Variants in AMMECR1 observed in about 807,000 individuals in gnomAD.
AMMECR1 encodes the protein AMMECR nuclear protein 1.
AMMECR1 carries 3 observed loss-of-function variants against 22.5 expected under a neutral mutation model. The ratio of observed to expected loss-of-function variants is 0.13; its 90% CI spans 0.06 to 0.35. The LOEUF (loss-of-function observed/expected upper bound fraction) is 0.35, where lower values mean the gene tolerates loss of function less well. AMMECR1 is among the 10% of genes least tolerant of loss of function. The pLI is 1.00. For synonymous variants in AMMECR1, 130 were observed against 116.7 expected, an observed-to-expected ratio of 1.11 and a Z score of -0.74; for missense variants, 235 against 278.7, an observed-to-expected ratio of 0.84 and a Z score of 1.12.
intron 2 of AMMECR1, among the ~76,000 whole-genome samples, chrX:110,411,111 G>C (rs1321440495): frequency 8.9e-6 from 1 of 112,323 alleles, no homozygotes; most frequent in Non-Finnish European, 1.9e-5. Flanking sequence ...GTATCTCTGA[G>C]CAAGAGAAGT....
intron 1 of AMMECR1, among the ~76,000 whole-genome samples, chrX:110,438,472 A>C (rs990739509): frequency 9.0e-6 from 1 of 111,570 alleles, no homozygotes. Context: ...TTTGATCAAA[A>C]GTCTTCCAGA....
chrX:110,317,281 G>T (rs953528711), intron 1 of AMMECR1, among the ~76,000 whole-genome samples: 1 of 111,364 alleles, frequency 9.0e-6, no homozygotes, highest in Admixed American at 9.4e-5. Context: ...CAAAACCGGG[G>T]CAGGGTGAGG....
intron 2 of AMMECR1, among the ~76,000 whole-genome samples, chrX:110,261,660 T>C (rs1292178953): frequency 8.9e-6 from 1 of 111,818 alleles, no homozygotes; most frequent in African/African-American, 3.3e-5. Flanking sequence ...AGTTGTATAC[T>C]TTCCATAATA....
chrX:110,402,659 C>T (rs2068573231), intron 2 of AMMECR1, among the ~76,000 whole-genome samples: 1 of 112,622 alleles, frequency 8.9e-6, no homozygotes, highest in African/African-American at 3.2e-5. Flanking sequence ...AGGCTGATCT[C>T]ATCCTGAAAT....
At position 110,279,922 on chromosome X, in the gene AMMECR1, A is replaced by G. The variant is rs761449177; in HGVS notation, c.474-15323T>C. On this transcript the variant is annotated intron_variant, in intron 1 of 5. Coordinates refer to ENST00000262844, the MANE Select transcript of AMMECR1 (RefSeq NM_015365.3). Reference sequence around the variant, plus strand: ...AGATAAAACCCTTCATTTTAAAATTAAAATTGTATAAAAGAAAAGGCAGAT... The same window carrying G: ...AGATAAAACCCTTCATTTTAAAATTGAAATTGTATAAAAGAAAAGGCAGAT... Among the ~76,000 whole-genome samples the G allele has an allele frequency of 3.6e-5, 4 of 112,138 alleles. No individual in the cohort carries two copies. The East Asian group carries it at 1.1e-3, about 31-fold the overall frequency.
intron 3 of AMMECR1, among the ~76,000 whole-genome samples, chrX:110,214,570 C>T (rs2067463782): frequency 8.9e-6 from 1 of 111,926 alleles, no homozygotes; most frequent in African/African-American, 3.2e-5. Context: ...GTAGATAGTG[C>T]TTTAACTGGG....
chrX:110,342,610 T>C (rs1336569436), intron 2 of AMMECR1, among the ~76,000 whole-genome samples: 3 of 111,688 alleles, frequency 2.7e-5, no homozygotes, highest in African/African-American at 9.8e-5. Context: ...GACTTCATGA[T>C]CTGCTTGCCT....
At chrX:110,331,685 C>T (rs921412490) in intron 2 of AMMECR1, among the ~76,000 whole-genome samples, 2 of 111,355 alleles carry the variant, frequency 1.8e-5, no homozygotes, top group African/African-American at 6.5e-5. Context: ...CATTTTCCTG[C>T]TTAAAACCTT....
chrX:110,211,982 T>C (rs1386097049), intron 3 of AMMECR1, among the ~76,000 whole-genome samples: 2 of 112,134 alleles, frequency 1.8e-5, no homozygotes, highest in Non-Finnish European at 3.8e-5. Context: ...GGAAGCATTA[T>C]TGATTAGTCT....
chrX:110,330,603 T>C (rs1175178564), intron 2 of AMMECR1, among the ~76,000 whole-genome samples: 1 of 112,228 alleles, frequency 8.9e-6, no homozygotes, highest in Non-Finnish European at 1.9e-5. Context: ...CTGCACTTTT[T>C]CTAGTAACTC....
chrX:110,427,268 A>T (rs1191472412), intron 1 of AMMECR1, among the ~76,000 whole-genome samples: 6 of 111,550 alleles, frequency 5.4e-5, no homozygotes. Context: ...AAATCAAATC[A>T]TTTCACACCT....
At chrX:110,242,297 C>T (rs2067637755) in intron 2 of AMMECR1, among the ~76,000 whole-genome samples, 1 of 111,531 alleles carries the variant, frequency 9.0e-6, no homozygotes, top group Non-Finnish European at 1.9e-5. Context: ...TCAGAACTAC[C>T]AAATGTGTTT....
At chrX:110,313,295 A>C (rs776194960) in intron 1 of AMMECR1, among the ~76,000 whole-genome samples, 50 of 112,318 alleles carry the variant, frequency 4.5e-4, no homozygotes, top group Non-Finnish European at 8.8e-4. Context: ...AACCACACTT[A>C]CTGATGTACT....
chrX:110,405,296 T>G (rs751941234), intron 2 of AMMECR1, among the ~76,000 whole-genome samples: 2 of 111,831 alleles, frequency 1.8e-5, no homozygotes, highest in South Asian at 7.6e-4. Flanking sequence ...GAGGGGAACA[T>G]TAAAATTGGA....
chrX:110,285,315 C>T (rs2067873601), intron 1 of AMMECR1, among the ~76,000 whole-genome samples: 1 of 112,310 alleles, frequency 8.9e-6, no homozygotes, highest in East Asian at 2.8e-4. Context: ...ACTTAATTCT[C>T]ACACTTACTG....
chrX:110,270,796 C>T (rs2067794714), intron 1 of AMMECR1, among the ~76,000 whole-genome samples: 1 of 112,184 alleles, frequency 8.9e-6, no homozygotes, highest in African/African-American at 3.2e-5. Flanking sequence ...TGATCTCCCT[C>T]AGCCTTCTCA....
intron 2 of AMMECR1, among the ~76,000 whole-genome samples, chrX:110,342,844 G>A (rs2068170455): frequency 9.0e-6 from 1 of 111,291 alleles, no homozygotes; most frequent in Non-Finnish European, 1.9e-5. Flanking sequence ...TTCATGTAAA[G>A]AAAAAAACTT....
intron 1 of AMMECR1, among the ~76,000 whole-genome samples, chrX:110,432,349 G>A (rs1215043332): frequency 8.9e-6 from 1 of 112,275 alleles, no homozygotes; most frequent in Admixed American, 9.4e-5. Flanking sequence ...TTCTTTCTAG[G>A]CATTTAGCTG....
intron 1 of AMMECR1, among the ~76,000 whole-genome samples, chrX:110,266,901 C>T (rs2067772594): frequency 9.1e-6 from 1 of 110,266 alleles, no homozygotes; most frequent in Non-Finnish European, 1.9e-5. Context: ...CACATGTTCT[C>T]ATTGTTCAAC....
Sources: gnomAD v4.1 joint callset for allele counts (sites outside exome capture counted in the v4.1 genomes callset) on GRCh38, gnomAD v4.1.1 for gene constraint, MANE v1.5 for transcripts, NCBI Gene and HGNC (gene_info 2026-07-23, HGNC 2026-07-21) for gene names.